Variants in PGAP2 observed in about 807,000 individuals in gnomAD.
The protein encoded by PGAP2 is post-GPI attachment to proteins 2, also known as acyltransferase PGAP2.
Under a neutral mutation model 33.2 loss-of-function variants are expected in PGAP2, and 21 were observed. The ratio of observed to expected loss-of-function variants is 0.63; its 90% confidence interval spans 0.45 to 0.91. The LOEUF (loss-of-function observed/expected upper bound fraction) is 0.91, where lower values mean the gene tolerates loss of function less well. Ranked by LOEUF, PGAP2 falls within the 40% of genes least tolerant of loss-of-function variation. The probability of loss-of-function intolerance (pLI) is 0.00; values close to 1 mark genes in which losing one functional copy is unlikely to be tolerated. For synonymous variants in PGAP2, 161 were observed against 172.9 expected (o/e 0.93, Z 0.54); for missense variants, 345 against 424.0 (o/e 0.81, Z 1.64).
upstream of PGAP2, among the ~76,000 whole-genome samples, chr11:3,804,783 C>G (rs1368547739): frequency 6.6e-6 from 1 of 152,168 alleles, no homozygotes; most frequent in Non-Finnish European, 1.5e-5. Context: ...CTCACTGCAA[C>G]CTCCGCCTCC....
At chr11:3,824,488 T>A in intron 5 of PGAP2, 112 bp downstream of exon 5, 1 of 1,526,762 alleles carries the variant, frequency 6.5e-7, no homozygotes, top group Non-Finnish European at 9.0e-7. Flanking sequence ...ATGGGAACCC[T>A]GGCAGAGGGG....
chr11:3,818,600 C>A (rs560776866), intron 3 of PGAP2, among the ~76,000 whole-genome samples: 75 of 152,310 alleles, frequency 4.9e-4, no homozygotes, highest in Admixed American at 1.3e-3. Context: ...GCCCCAGGCC[C>A]CACCACCTGT....
At chr11:3,815,683 C>T (rs1448002979) in intron 2 of PGAP2, among the ~76,000 whole-genome samples, 2 of 152,198 alleles carry the variant, frequency 1.3e-5, no homozygotes, top group African/African-American at 4.8e-5. Context: ...TCCAGGTGGC[C>T]TGGGCAGTAC....
At chr11:3,820,652 C>T (rs2134864889) in intron 3 of PGAP2, among the ~76,000 whole-genome samples, 1 of 151,638 alleles carries the variant, frequency 6.6e-6, no homozygotes, top group Non-Finnish European at 1.5e-5. Context: ...AAGAGTGAAA[C>T]TCCATCTCAA....
chr11:3,822,246 C>T (rs183616457), intron 3 of PGAP2, among the ~76,000 whole-genome samples: 2,765 of 152,058 alleles, frequency 0.018, 86 homozygotes, highest in African/African-American at 0.063. Flanking sequence ...CGCCTGTAGT[C>T]CCAGCTACTC....
chr11:3,824,414 A>G (rs922146101), intron 5 of PGAP2, 38 bp downstream of exon 5: 1 of 1,614,148 alleles, frequency 6.2e-7, no homozygotes, highest in East Asian at 2.2e-5. Flanking sequence ...AAGGCAGCCC[A>G]GAAGAAAATC....
Position 3,811,212 on chromosome 11 carries a change from C to A in PGAP2, c.-10-38C>A. 1 of 1,581,496 alleles carries A rather than the reference C, an allele frequency of 6.3e-7. No homozygotes were observed. The highest frequency in any genetic ancestry group is 1.2e-5 in the South Asian group (1 of 86,138). On this transcript the variant is annotated intron_variant, in intron 1 of 6. Transcript: ENST00000278243. This position sits in a 1 kb window ranked among gnomAD's most constrained non-coding sequence, Gnocchi z 4.6. Reference sequence around the variant, plus strand: ...ACTTTATCACTGAGTGCCAGCCTGGCTGCCTGGGGCCCTGACAGCATGCCA... The same window carrying A: ...ACTTTATCACTGAGTGCCAGCCTGGATGCCTGGGGCCCTGACAGCATGCCA...
At chr11:3,816,250 C>G (rs368158197) in intron 2 of PGAP2, 1 of 152,786 alleles carries the variant, frequency 6.5e-6, no homozygotes, top group African/African-American at 2.4e-5. Context: ...TCTTCAGCAC[C>G]GAGTGTGAGT....
chr11:3,822,115 A>G (rs1014116143), intron 3 of PGAP2, among the ~76,000 whole-genome samples: 1 of 152,082 alleles, frequency 6.6e-6, no homozygotes, highest in Non-Finnish European at 1.5e-5. Flanking sequence ...CTGTAATTCC[A>G]GCACTTTGGG....
At chr11:3,818,394 G>T (rs1027599065) in intron 3 of PGAP2, among the ~76,000 whole-genome samples, 5 of 151,674 alleles carry the variant, frequency 3.3e-5, no homozygotes, top group African/African-American at 1.2e-4. Context: ...TAGGGGAAGA[G>T]AAGGGATTGG....
At position 3,826,246 on chromosome 11, in the gene PGAP2, CT is replaced by C. The variant is rs1327465012; in HGVS notation, c.*789del. ...TAGAGGGGTCAGATGCAGATCTCTA[CT>C]GTAAAATGGGCTCCCTGGTATCTCC... On this transcript the variant is annotated 3_prime_UTR_variant, in exon 7 of 7. Transcript: ENST00000278243. The C allele has an allele frequency of 6.6e-6, 1 of 152,232 alleles. No individual in the cohort carries two copies. The highest frequency in any genetic ancestry group is 6.5e-5 in the Admixed American group (1 of 15,280). The allele number at this position is 152,232 out of a possible 1,614,324, so 9.4% of individuals were successfully genotyped here. A position where few individuals can be genotyped will look rare whatever the true frequency, so the allele number is the denominator to read the frequency against.
chr11:3,823,024 CTTTTTTTTT>C (rs746736798), intron 3 of PGAP2: 402 of 307,606 alleles, frequency 1.3e-3, no homozygotes, highest in East Asian at 0.011. Context: ...TTTTTCTTTT[CTTTTTTTTT>C]TTTTTTTTTT....
intron 1 of PGAP2, among the ~76,000 whole-genome samples, chr11:3,809,670 CTAGGGCCCTAAGGGACTTAGAGTCCATT>C (rs1482497931): frequency 3.3e-5 from 5 of 152,194 alleles, no homozygotes; most frequent in Admixed American, 2.0e-4. Context: ...TGTTCCCCAT[CTAGGGCCCTAAGGGACTTAGAGTCCATT>C]TAGGGATGAT....
At chr11:3,809,047 G>A (rs1289907763) in intron 1 of PGAP2, among the ~76,000 whole-genome samples, 2 of 152,136 alleles carry the variant, frequency 1.3e-5, no homozygotes, top group Non-Finnish European at 2.9e-5. Context: ...TCTGTAAAAT[G>A]GAAATATACA....
At chr11:3,813,792 T>C (rs2086131838) in intron 2 of PGAP2, among the ~76,000 whole-genome samples, 1 of 152,354 alleles carries the variant, frequency 6.6e-6, no homozygotes, top group East Asian at 1.9e-4. Context: ...AATATTTGTA[T>C]AGTATATGGA....
chr11:3,803,423 G>T (rs1451302307), intron 1 of PGAP2, among the ~76,000 whole-genome samples: 1 of 149,380 alleles, frequency 6.7e-6, no homozygotes, highest in Admixed American at 6.7e-5. Context: ...CACCGCACCC[G>T]GCCATTTTTG....
chr11:3,823,510 C>A, intron 3 of PGAP2: 1 of 1,238,154 alleles, frequency 8.1e-7, no homozygotes, highest in Non-Finnish European at 1.1e-6. Flanking sequence ...GTCCTCTGGA[C>A]TGAATCTGAG....
chr11:3,814,757 TTTCTTTC>T (rs1565011647), intron 2 of PGAP2, among the ~76,000 whole-genome samples: 114 of 88,142 alleles, frequency 1.3e-3, no homozygotes, highest in African/African-American at 4.2e-3. Context: ...CTTTTCTTTC[TTTCTTTC>T]TTTCTTTCTT....
chr11:3,817,554 G>T lies in PGAP2; in HGVS notation c.348+19G>T. 1 of 1,610,406 alleles carries T rather than the reference G, an allele frequency of 6.2e-7. No homozygotes were observed. The highest frequency in any genetic ancestry group is 8.5e-7 in the Non-Finnish European group (1 of 1,176,618). On this transcript the variant is annotated intron_variant, in intron 3 of 6. Coordinates refer to ENST00000278243, the MANE Select transcript of PGAP2 (RefSeq NM_014489.4). ...CTGTGGGGTGAGTGCCAGCTCCCCA[G>T]CCCCTGGGTCAGGGCCAGGTCAGGA...
Sources: allele counts gnomAD v4.1 joint callset (sites outside exome capture counted in the v4.1 genomes callset), GRCh38; gene constraint gnomAD v4.1.1; non-coding constraint Gnocchi (gnomAD v3.1); transcripts MANE v1.5; gene names NCBI Gene and HGNC (gene_info 2026-07-23, HGNC 2026-07-21).